SLIT3: variants seen among roughly 807,000 people sequenced by gnomAD.
SLIT3 encodes the protein slit homolog 3 protein.
In SLIT3, 68 loss-of-function variants were observed where a neutral mutation model predicts 184.0. The ratio of observed to expected loss-of-function variants is 0.37; its 90% confidence interval spans 0.30 to 0.45. SLIT3 has a LOEUF of 0.45. Among genes scored for constraint, SLIT3 ranks in the 20% least tolerant of loss-of-function variants. The probability of loss-of-function intolerance (pLI) is 1.00; values close to 1 mark genes in which losing one functional copy is unlikely to be tolerated. For missense variants in SLIT3, 1,707 were observed against 2,026.0 expected (o/e 0.84, Z 3.02); for synonymous variants, 831 against 828.6 (o/e 1.00, Z -0.05).
At chr5:168,751,142 G>A (rs990965439) in intron 18 of SLIT3, among the ~76,000 whole-genome samples, 3 of 152,090 alleles carry the variant, frequency 2.0e-5, no homozygotes, top group Admixed American at 1.3e-4. Context: ...GGAGCCCCAC[G>A]GAGCTAGAAT....
chr5:169,059,215 G>C (rs1246289988), intron 4 of SLIT3, among the ~76,000 whole-genome samples: 5 of 152,260 alleles, frequency 3.3e-5, no homozygotes, highest in Admixed American at 3.3e-4. Context: ...AAGACCAAAA[G>C]AGAAGACCAC....
intron 4 of SLIT3, among the ~76,000 whole-genome samples, chr5:168,946,212 G>A (rs1204575207): frequency 6.6e-6 from 1 of 152,136 alleles, no homozygotes; most frequent in Non-Finnish European, 1.5e-5. Flanking sequence ...TCTTTCTTAT[G>A]GCTGCTGATT....
chr5:169,050,425 C>T (rs1391919268), intron 4 of SLIT3, among the ~76,000 whole-genome samples: 2 of 152,220 alleles, frequency 1.3e-5, no homozygotes, highest in South Asian at 2.1e-4. Flanking sequence ...ATTATCCTAT[C>T]TGACCAGCTT....
intron 3 of SLIT3, among the ~76,000 whole-genome samples, chr5:169,212,110 G>T (rs1764285271): frequency 6.6e-6 from 1 of 152,202 alleles, no homozygotes. Context: ...ATAGTAGAAT[G>T]ATTTATAATC....
chr5:168,746,438 G>T (rs1407393262), intron 20 of SLIT3, among the ~76,000 whole-genome samples: 1 of 137,136 alleles, frequency 7.3e-6, no homozygotes, highest in Non-Finnish European at 1.6e-5. Flanking sequence ...GTGTGTGGTG[G>T]TGTGGGTGTG....
intron 4 of SLIT3, among the ~76,000 whole-genome samples, chr5:168,994,994 T>C (rs994438515): frequency 6.6e-6 from 1 of 152,168 alleles, no homozygotes; most frequent in African/African-American, 2.4e-5. Context: ...AACAAGCCTA[T>C]GAAGTTAGGA....
chr5:168,856,618 C>T (rs923264704), intron 5 of SLIT3, among the ~76,000 whole-genome samples: 11 of 152,220 alleles, frequency 7.2e-5, no homozygotes, highest in Non-Finnish European at 1.0e-4. Flanking sequence ...GAAAAATCAC[C>T]GCTAGGCTCC....
At chr5:169,236,688 T>C (rs1765212855) in intron 3 of SLIT3, among the ~76,000 whole-genome samples, 1 of 152,092 alleles carries the variant, frequency 6.6e-6, no homozygotes, top group South Asian at 2.1e-4. Context: ...GCCAGGATGG[T>C]CTCAATCTCC....
intron 1 of SLIT3, among the ~76,000 whole-genome samples, chr5:169,299,649 G>T (rs1444721033): frequency 6.6e-6 from 1 of 152,112 alleles, no homozygotes; most frequent in East Asian, 1.9e-4. Flanking sequence ...TCTGGTCCGA[G>T]GATCAAAATG....
intron 4 of SLIT3, among the ~76,000 whole-genome samples, chr5:168,996,407 G>A (rs1755511703): frequency 6.6e-6 from 1 of 152,128 alleles, no homozygotes; most frequent in African/African-American, 2.4e-5. Flanking sequence ...AGGGGAAAAT[G>A]GAGCTAAAGT....
At chr5:168,836,248 T>A (rs1450274822) in intron 6 of SLIT3, among the ~76,000 whole-genome samples, 1 of 152,248 alleles carries the variant, frequency 6.6e-6, no homozygotes, top group Non-Finnish European at 1.5e-5. Flanking sequence ...CAGGTTTGGC[T>A]GTTCAAGAGG....
chr5:168,785,005 C>A (rs1369645286), intron 12 of SLIT3, among the ~76,000 whole-genome samples: 1 of 152,070 alleles, frequency 6.6e-6, no homozygotes, highest in Non-Finnish European at 1.5e-5. Context: ...CATACCTATT[C>A]TGCTGTGTGA....
At chr5:169,125,660 G>C (rs10061573) in intron 4 of SLIT3, among the ~76,000 whole-genome samples, 14,810 of 152,120 alleles carry the variant, frequency 0.097, 1,314 homozygotes, top group East Asian at 0.39. Flanking sequence ...CTGAAGCTGA[G>C]ACAGCTTGTT....
chr5:169,290,204 TGCTAGGGCACAC>T (rs1561789321), intron 1 of SLIT3, among the ~76,000 whole-genome samples: 1 of 147,918 alleles, frequency 6.8e-6, no homozygotes, highest in African/African-American at 2.5e-5. Context: ...CTAGGACATA[TGCTAGGGCACAC>T]GCTAGGGTGC....
intron 4 of SLIT3, among the ~76,000 whole-genome samples, chr5:169,181,005 A>C (rs1763134402): frequency 6.6e-6 from 1 of 152,124 alleles, no homozygotes; most frequent in African/African-American, 2.4e-5. Context: ...GCCAGAAAAC[A>C]TTTACAGTAA....
In SLIT3 at chr5:169,219,429, C is replaced by T. The variant is rs1289595312; in HGVS notation, c.341+25276G>A. 5.3e-5 allele frequency among the ~76,000 whole-genome samples: 8 copies of T among 152,236 alleles called. No homozygotes were observed. In the East Asian group the frequency reaches 1.5e-3, roughly 29 times the overall value. On this transcript the variant is annotated intron_variant, in intron 3 of 35. Coordinates refer to ENST00000519560, the MANE Select transcript of SLIT3 (RefSeq NM_003062.4). ...ACTGAAGCTCGGAAAACTGAAGTTA[C>T]GTGTCATACAACTCATCACACTACT...
At chr5:169,115,791 TGAA>T (rs1760640953) in intron 4 of SLIT3, among the ~76,000 whole-genome samples, 1 of 152,164 alleles carries the variant, frequency 6.6e-6, no homozygotes, top group Non-Finnish European at 1.5e-5. Flanking sequence ...ACTAGAGAGA[TGAA>T]GGAGCTCGCC....
intron 4 of SLIT3, among the ~76,000 whole-genome samples, chr5:168,893,483 A>G (rs1409738233): frequency 6.6e-6 from 1 of 152,084 alleles, no homozygotes. Context: ...GACAAGGGGA[A>G]GGCAGGGGAA....
chr5:169,005,237 C>G (rs1755873492), intron 4 of SLIT3, among the ~76,000 whole-genome samples: 1 of 152,174 alleles, frequency 6.6e-6, no homozygotes, highest in African/African-American at 2.4e-5. Flanking sequence ...TATTGCGATA[C>G]TCACTTTGTT....
Sources: allele counts gnomAD v4.1 joint callset (sites outside exome capture counted in the v4.1 genomes callset), GRCh38; gene constraint gnomAD v4.1.1; transcripts MANE v1.5; gene names NCBI Gene and HGNC (gene_info 2026-07-23, HGNC 2026-07-21).